Variants in OSGIN2 observed in about 807,000 individuals in gnomAD.
OSGIN2 encodes the protein oxidative stress-induced growth inhibitor 2.
A neutral mutation model predicts 53.8 loss-of-function variants in OSGIN2; 19 were observed. The observed-to-expected ratio is 0.35, with a 90% CI of 0.25 to 0.52. The LOEUF (loss-of-function observed/expected upper bound fraction) is 0.52. Ranked by LOEUF, OSGIN2 falls within the 20% of genes least tolerant of loss-of-function variation. The pLI, the probability that OSGIN2 is intolerant of heterozygous loss-of-function variation, is 0.95. For synonymous variants in OSGIN2, 236 were observed against 236.0 expected (o/e 1.00, Z 0.00); for missense variants, 520 against 662.7 (o/e 0.78, Z 2.36).
chr8:89,921,993 G>A (rs1161766265), intron 5 of OSGIN2, among the ~76,000 whole-genome samples: 3 of 151,438 alleles, frequency 2.0e-5, no homozygotes, highest in Non-Finnish European at 4.4e-5. Flanking sequence ...AAAAAAGGAC[G>A]GAAGAAATCT....
chr8:89,923,061 T>A (rs2130714000), intron 5 of OSGIN2, among the ~76,000 whole-genome samples: 1 of 152,234 alleles, frequency 6.6e-6, no homozygotes. Flanking sequence ...TGAATGGAGC[T>A]TGGAGGGCTG....
intron 3 of OSGIN2, 109 bp downstream of exon 3, chr8:89,914,322 T>A: frequency 1.3e-6 from 1 of 743,088 alleles, no homozygotes; most frequent in Non-Finnish European, 2.2e-6. Flanking sequence ...AATAACACCT[T>A]ATATCATTTT....
At chr8:89,911,837 C>G (rs1808974849) in intron 2 of OSGIN2, among the ~76,000 whole-genome samples, 1 of 151,768 alleles carries the variant, frequency 6.6e-6, no homozygotes, top group South Asian at 2.1e-4. Flanking sequence ...TCTCGGGAGG[C>G]TGAGGCAGGA....
intron 4 of OSGIN2, among the ~76,000 whole-genome samples, chr8:89,919,395 G>A (rs1439049150): frequency 6.6e-6 from 1 of 152,200 alleles, no homozygotes. Context: ...GGTGTCGAGG[G>A]ATGTTTTCTG....
intron 2 of OSGIN2, among the ~76,000 whole-genome samples, chr8:89,912,720 T>C (rs6996173): frequency 0.16 from 24,537 of 151,120 alleles, 4,796 homozygotes; most frequent in African/African-American, 0.47. Flanking sequence ...CACTCCAGCC[T>C]GGTGACACAG....
intron 3 of OSGIN2, 52 bp from the exon 4 acceptor site, chr8:89,914,503 A>C: frequency 7.2e-7 from 1 of 1,383,332 alleles, no homozygotes; most frequent in Non-Finnish European, 1.0e-6. Context: ...AGAATATACT[A>C]TCTGGGAAAT....
chr8:89,909,045 TATATAC>T (rs200012614), intron 1 of OSGIN2, among the ~76,000 whole-genome samples: 3,925 of 111,440 alleles, frequency 0.035, 448 homozygotes, highest in African/African-American at 0.15. Context: ...AAAATATATA[TATATAC>T]ATATATATAT....
chr8:89,909,726 G>A lies in OSGIN2; in HGVS notation c.199+5G>A. ...CTTTTCCTGTGGTAATAATAGGTAA[G>A]TTATTGTATTTTATCTTTTAAAATT... On this transcript the variant is annotated splice_donor_5th_base_variant and intron_variant, in intron 2 of 5. Coordinates refer to ENST00000451899, the MANE Select transcript of OSGIN2 (RefSeq NM_001126111.3). The A allele has an allele frequency of 1.3e-6, 2 of 1,568,802 alleles. No homozygotes were observed. Among genetic ancestry groups the A allele is most frequent in the Non-Finnish European group, 1.7e-6 (2 of 1,146,166 alleles).
rs1014084640 is a variant in OSGIN2 at position 89,902,787 on chromosome 8, G to A, written c.-7G>A. On this transcript the variant is annotated 5_prime_UTR_variant, in exon 1 of 6. Coordinates refer to ENST00000451899, the MANE Select transcript of OSGIN2 (RefSeq NM_001126111.3). ...GCCGCGCTCGGGCGCCCCTCGCGCA[G>A]CGCTCCATGCCCGTGTGGTGCTGCC... 4.0e-6 allele frequency: 5 copies of A among 1,258,100 alleles called. No homozygotes were observed. The African/African-American group carries it at 7.8e-5, about 20-fold the overall frequency. The allele number at this position is 1,258,100 out of a possible 1,614,324, so 77.9% of individuals were successfully genotyped here.
intron 4 of OSGIN2, among the ~76,000 whole-genome samples, chr8:89,920,412 C>G (rs779573797): frequency 6.6e-6 from 1 of 152,140 alleles, no homozygotes; most frequent in Non-Finnish European, 1.5e-5. Flanking sequence ...TCATAGAGGT[C>G]ATAGGTATAA....
intron 1 of OSGIN2, among the ~76,000 whole-genome samples, chr8:89,907,344 G>T (rs1369181951): frequency 1.3e-5 from 2 of 151,964 alleles, no homozygotes; most frequent in African/African-American, 2.4e-5. Flanking sequence ...GCTTGTGCCT[G>T]TGTCCTGAAT....
At chr8:89,910,635 A>G (rs1160271271) in intron 2 of OSGIN2, among the ~76,000 whole-genome samples, 1 of 152,216 alleles carries the variant, frequency 6.6e-6, no homozygotes, top group Non-Finnish European at 1.5e-5. Flanking sequence ...TTCTCAACCA[A>G]GAGATATCAG....
In OSGIN2 at chr8:89,924,705, A is replaced by G; in HGVS notation, c.823A>G (p.Ile275Val). The G allele has an allele frequency of 6.2e-7, 1 of 1,614,148 alleles. No homozygotes were observed. The highest frequency in any genetic ancestry group is 8.5e-7 in the Non-Finnish European group (1 of 1,179,970). ...KHLQIEKSNF[I>V]KRNWEIRGYQ... Reference sequence around the variant, plus strand: ...TTTACAGATAGAGAAGTCAAACTTTATCAAGAGAAACTGGGAAATTAGGGG... The same window carrying G: ...TTTACAGATAGAGAAGTCAAACTTTGTCAAGAGAAACTGGGAAATTAGGGG... The change falls in exon 6 of 6, where the codon ATC (isoleucine) becomes GTC (valine). Residue 275 changes from isoleucine to valine, a missense_variant. Physicochemically the swap from Ile to Val is conservative, Grantham distance 29. This residue lies in a region of OSGIN2 where 78 missense variants were observed against 59.1 expected (regional missense o/e 1.32). Coordinates refer to ENST00000451899, the MANE Select transcript of OSGIN2 (RefSeq NM_001126111.3).
chr8:89,908,367 C>T (rs925733521), intron 1 of OSGIN2, among the ~76,000 whole-genome samples: 1 of 152,124 alleles, frequency 6.6e-6, no homozygotes, highest in Non-Finnish European at 1.5e-5. Flanking sequence ...CAAGAAAGCT[C>T]TCAGTATGTC....
At chr8:89,915,867 C>T (rs972888727) in intron 4 of OSGIN2, among the ~76,000 whole-genome samples, 1 of 152,080 alleles carries the variant, frequency 6.6e-6, no homozygotes, top group Non-Finnish European at 1.5e-5. Flanking sequence ...AATCTTTATT[C>T]TCTTTTTAAT....
chr8:89,915,458 A>G (rs1419196624), intron 4 of OSGIN2, among the ~76,000 whole-genome samples: 1 of 152,220 alleles, frequency 6.6e-6, no homozygotes, highest in Non-Finnish European at 1.5e-5. Flanking sequence ...CAGGACCTCA[A>G]CGTAAGAATT....
intron 2 of OSGIN2, among the ~76,000 whole-genome samples, chr8:89,910,780 C>G (rs995649381): frequency 1.3e-5 from 2 of 152,142 alleles, no homozygotes; most frequent in African/African-American, 2.4e-5. Context: ...CCTTCATTTG[C>G]ACCTGCCCAC....
chr8:89,906,357 C>G (rs1808838769), intron 1 of OSGIN2, among the ~76,000 whole-genome samples: 1 of 152,218 alleles, frequency 6.6e-6, no homozygotes, highest in African/African-American at 2.4e-5. Context: ...GAGCCACATT[C>G]AAAGCCATCC....
rs776706199 is a variant in OSGIN2 at position 89,914,232 on chromosome 8, CA to C, written c.336+21del. On this transcript the variant is annotated intron_variant, in intron 3 of 5. Transcript: ENST00000451899. ...TGATCAGGTATTATTTCTTACATGTCAATTTAAAAAATTTTTTTATGCTGAA... is the reference window on the plus strand; with the variant it reads ...TGATCAGGTATTATTTCTTACATGTCATTTAAAAAATTTTTTTATGCTGAA... 1 of 1,552,098 alleles carries C rather than the reference CA, an allele frequency of 6.4e-7. No individual in the cohort carries two copies. The highest frequency in any genetic ancestry group is 2.1e-5 in the Admixed American group (1 of 47,902).
Sources: gnomAD v4.1 joint callset for allele counts (sites outside exome capture counted in the v4.1 genomes callset) on GRCh38, gnomAD v4.1.1 for gene constraint, gnomAD v4.1.1 regional missense constraint, MANE v1.5 for transcripts, NCBI Gene and HGNC (gene_info 2026-07-23, HGNC 2026-07-21) for gene names.